Variants in NPLOC4 observed in about 807,000 individuals in gnomAD.
NPLOC4 encodes nuclear protein localization protein 4 homolog.
A neutral mutation model predicts 80.6 loss-of-function variants in NPLOC4; 18 were observed. That is an observed-to-expected ratio of 0.22 (90% CI 0.15 to 0.33). The LOEUF is 0.33. Ranked by LOEUF, NPLOC4 falls within the 10% of genes least tolerant of loss-of-function variation. The pLI, the probability that NPLOC4 is intolerant of heterozygous loss-of-function variation, is 1.00. For missense variants in NPLOC4, 540 were observed against 786.1 expected, an observed-to-expected ratio of 0.69 and a Z score of 3.74; for synonymous variants, 313 against 301.5, an observed-to-expected ratio of 1.04 and a Z score of -0.39.
At chr17:81,616,036 G>A (rs2035474571) in intron 3 of NPLOC4, among the ~76,000 whole-genome samples, 1 of 152,112 alleles carries the variant, frequency 6.6e-6, no homozygotes, top group Non-Finnish European at 1.5e-5. Flanking sequence ...TGCTAAATCT[G>A]GGCCGGGCGT....
At chr17:81,594,237 T>G (rs1176976124) in intron 11 of NPLOC4, among the ~76,000 whole-genome samples, 1 of 116,562 alleles carries the variant, frequency 8.6e-6, no homozygotes, top group African/African-American at 3.4e-5. Flanking sequence ...ACAGCGCCAC[T>G]GCAGTCCAGC....
In NPLOC4 at chr17:81,602,495, G is replaced by C. The variant is rs1033346895; in HGVS notation, c.834+2053C>G. 3.3e-5 allele frequency among the ~76,000 whole-genome samples: 5 copies of C among 152,012 alleles called. No homozygotes were observed. The East Asian group carries it at 9.7e-4, about 29-fold the overall frequency. On this transcript the variant is annotated intron_variant, in intron 8 of 16. Transcript: ENST00000331134. Reference sequence around the variant, plus strand: ...TGAGGCGGGTGGATCACGAGGTCAGGAGTTTGAGACCAGCCTGACCAACAT... The same window carrying C: ...TGAGGCGGGTGGATCACGAGGTCAGCAGTTTGAGACCAGCCTGACCAACAT...
intron 12 of NPLOC4, among the ~76,000 whole-genome samples, chr17:81,574,275 T>C (rs1945976276): frequency 6.6e-6 from 1 of 152,220 alleles, no homozygotes; most frequent in Admixed American, 6.5e-5. Flanking sequence ...TCTTGTTAAA[T>C]GCCCCTCTCT....
In NPLOC4 at chr17:81,636,952, G is replaced by A. The variant is rs1206406778; in HGVS notation, c.-22C>T. ...CCATGGCGGCTGCTCCTGCCTCCGG[G>A]CTCGAGCCCCGGGCCGCCGCCGCCT... On this transcript the variant is annotated 5_prime_UTR_variant, in exon 1 of 17. Transcript: ENST00000331134. 1.5e-6 allele frequency: 2 copies of A among 1,310,468 alleles called. No homozygotes were observed. Among genetic ancestry groups the A allele is most frequent in the Non-Finnish European group, 1.9e-6 (2 of 1,026,990 alleles). 81.2% of individuals were successfully genotyped at this position (1,310,468 alleles called of 1,614,324 possible). A position where few individuals can be genotyped will look rare whatever the true frequency, so the allele number is the denominator to read the frequency against.
intron 7 of NPLOC4, 80 bp from the exon 8 acceptor site, chr17:81,604,807 T>A: frequency 7.8e-7 from 1 of 1,283,500 alleles, no homozygotes; most frequent in Non-Finnish European, 1.1e-6. Context: ...AAACCATTCA[T>A]AAATATCTTT....
chr17:81,564,422 T>A (rs1360933146), intron 16 of NPLOC4: 1 of 152,688 alleles, frequency 6.5e-6, no homozygotes, highest in Non-Finnish European at 1.5e-5. Flanking sequence ...ATTGTGCAAC[T>A]GCACTCCAGC....
chr17:81,634,589 CTTTTTTTT>C, intron 1 of NPLOC4, among the ~76,000 whole-genome samples: 1 of 141,874 alleles, frequency 7.0e-6, no homozygotes, highest in South Asian at 2.2e-4. Context: ...ATGATTAACA[CTTTTTTTT>C]TTTTTTTTGA....
chr17:81,570,150 T>A lies in NPLOC4; in HGVS notation c.1354-1039A>T, dbSNP rs529984849. On this transcript the variant is annotated intron_variant, in intron 13 of 16. Transcript: ENST00000331134. ...AAGGACAGCTGAGCCACCAGCAGCA[T>A]CTCTGGCCTGAGCTGGCCCTTCATG... Among the ~76,000 whole-genome samples the A allele has an allele frequency of 3.3e-5, 5 of 152,348 alleles. No individual in the cohort carries two copies. In the South Asian group the frequency reaches 1.0e-3, roughly 32 times the overall value.
intron 4 of NPLOC4, among the ~76,000 whole-genome samples, chr17:81,611,819 G>T (rs1265702032): frequency 1.3e-5 from 2 of 151,544 alleles, no homozygotes; most frequent in Non-Finnish European, 2.9e-5. Context: ...AATTAGCCAG[G>T]CGTGGTGGCG....
intron 15 of NPLOC4, chr17:81,566,642 GA>G (rs2034020614): frequency 6.6e-6 from 1 of 152,232 alleles, no homozygotes; most frequent in Non-Finnish European, 1.5e-5. Flanking sequence ...AAACTAGCAG[GA>G]TACAAGAACA....
chr17:81,583,643 G>A (rs1039867506), intron 12 of NPLOC4, among the ~76,000 whole-genome samples: 4 of 152,170 alleles, frequency 2.6e-5, no homozygotes, highest in African/African-American at 7.2e-5. Context: ...ACACGTGAAC[G>A]ATGACACAAA....
At chr17:81,609,298 G>T (rs777921340) in intron 5 of NPLOC4, among the ~76,000 whole-genome samples, 15 of 152,150 alleles carry the variant, frequency 9.9e-5, no homozygotes, top group Non-Finnish European at 2.1e-4. Context: ...CTTTACAGGC[G>T]TGAGCCACTG....
intron 12 of NPLOC4, among the ~76,000 whole-genome samples, chr17:81,586,481 A>T (rs1472792824): frequency 4.0e-5 from 6 of 151,868 alleles, no homozygotes; most frequent in Non-Finnish European, 8.8e-5. Flanking sequence ...CAGGTGGCAC[A>T]CATCTGTAGT....
intron 7 of NPLOC4, 64 bp from the exon 8 acceptor site, chr17:81,604,791 T>C: frequency 7.2e-7 from 1 of 1,387,296 alleles, no homozygotes; most frequent in South Asian, 1.3e-5. Context: ...CTTGTTTTTC[T>C]AACACAAACC....
chr17:81,589,038 C>T lies in NPLOC4; in HGVS notation c.1187G>A (p.Arg396His), dbSNP rs897307385. 7.4e-6 allele frequency: 12 copies of T among 1,613,862 alleles called. No homozygotes were observed. Among genetic ancestry groups the T allele is most frequent in the Non-Finnish European group, 8.5e-6 (10 of 1,179,862 alleles). Residue 396 changes from arginine to histidine, a missense_variant, in exon 12 of 17, where the codon CGT becomes CAT. Around this residue, in one of 6 missense-constraint regions of NPLOC4, gnomAD observed 251 missense variants for 377.5 expected, o/e 0.66. Coordinates refer to ENST00000331134, the MANE Select transcript of NPLOC4 (RefSeq NM_017921.4). ...CTTGCATGGCAGCAAACACTCATCA[C>T]GGACCAGTGCCATACACTGATTGGA... is the stretch of plus-strand genomic sequence containing the variant. ...QVSNQCMALV[R>H]DECLLPCKDA...
Position 81,567,339 on chromosome 17 carries a change from G to A in NPLOC4, c.1566+78C>T. ...TTCCCAATCATGCTCTGGTCTGGGA[G>A]GAAAGAAAGCAAGACACAGGCGTCT... is the stretch of plus-strand genomic sequence containing the variant. On this transcript the variant is annotated intron_variant, in intron 15 of 16. Transcript: ENST00000331134. This position sits in a 1 kb window ranked among gnomAD's most constrained non-coding sequence, Gnocchi z 4.5. 1 of 865,974 alleles carries A rather than the reference G, an allele frequency of 1.2e-6. No individual in the cohort carries two copies. Among genetic ancestry groups the A allele is most frequent in the South Asian group, 1.5e-5 (1 of 67,668 alleles). 53.6% of individuals were successfully genotyped at this position (865,974 alleles called of 1,614,324 possible).
chr17:81,571,244 G>A (rs1245733358), intron 13 of NPLOC4, among the ~76,000 whole-genome samples: 2 of 152,164 alleles, frequency 1.3e-5, no homozygotes, highest in Non-Finnish European at 2.9e-5. Context: ...AGATCCTGGC[G>A]TGGCAGCAGC....
rs754575970 is a variant in NPLOC4, at chr17:81,629,825, A to G, written c.16-20T>C. The G allele has an allele frequency of 6.4e-7, 1 of 1,572,288 alleles. No individual in the cohort carries two copies. The highest frequency in any genetic ancestry group is 2.2e-5 in the East Asian group (1 of 44,604). ...AATTATCTGTTGCAAACAAAACATG[A>G]TGGTTACTGCACAGCCTAGTGAGGT... On this transcript the variant is annotated intron_variant, in intron 1 of 16. Transcript: ENST00000331134.
intron 12 of NPLOC4, chr17:81,587,950 C>G (rs1281125578): frequency 6.6e-6 from 1 of 152,104 alleles, no homozygotes; most frequent in Non-Finnish European, 1.5e-5. Flanking sequence ...GCTGGGATTA[C>G]AGGCATGAGC....
Sources: gnomAD v4.1 joint callset for allele counts (sites outside exome capture counted in the v4.1 genomes callset) on GRCh38, gnomAD v4.1.1 for gene constraint, gnomAD v4.1.1 regional missense constraint, Gnocchi (gnomAD v3.1) non-coding constraint, MANE v1.5 for transcripts, NCBI Gene and HGNC (gene_info 2026-07-23, HGNC 2026-07-21) for gene names.